UNC13C: variants seen among roughly 807,000 people sequenced by gnomAD.
UNC13C encodes the protein protein unc-13 homolog C.
Under a neutral mutation model 245.4 loss-of-function variants are expected in UNC13C, and 174 were observed. The observed-to-expected ratio is 0.71, with a 90% CI of 0.63 to 0.80. The LOEUF is 0.80. Ranked by LOEUF, UNC13C falls within the 30% of genes least tolerant of loss-of-function variation. The pLI, the probability that UNC13C is intolerant of heterozygous loss-of-function variation, is 0.00. For missense variants in UNC13C, 2,829 were observed against 2,602.9 expected, an observed-to-expected ratio of 1.09 and a Z score of -1.89; for synonymous variants, 992 against 895.1, an observed-to-expected ratio of 1.11 and a Z score of -1.93.
chr15:54,616,360 T>C (rs1900429289), intron 30 of UNC13C, among the ~76,000 whole-genome samples: 1 of 151,376 alleles, frequency 6.6e-6, no homozygotes, highest in Non-Finnish European at 1.5e-5. Flanking sequence ...TCAACAGTGG[T>C]CCCATAAGAT....
chr15:54,192,278 TTTTGTAGTC>T (rs1197993407), intron 4 of UNC13C, among the ~76,000 whole-genome samples: 1 of 152,184 alleles, frequency 6.6e-6, no homozygotes, highest in East Asian at 1.9e-4. Flanking sequence ...TCTTCTTTGT[TTTTGTAGTC>T]TTTGTGACTA....
intron 29 of UNC13C, 68 bp from the exon 30 acceptor site, chr15:54,567,732 T>C (rs1897575828): frequency 1.4e-6 from 2 of 1,380,544 alleles, no homozygotes; most frequent in African/African-American, 1.5e-5. Flanking sequence ...GCTTCTCTAT[T>C]AGAGTAATAA....
chr15:54,082,464 AT>A (rs537077467), intron 2 of UNC13C, among the ~76,000 whole-genome samples: 4 of 151,850 alleles, frequency 2.6e-5, no homozygotes, highest in Non-Finnish European at 5.9e-5. Flanking sequence ...TTGTTCATTA[AT>A]TTTTTTTAAA....
chr15:53,939,816 A>T, the UNC13C span, among the ~76,000 whole-genome samples: 36 of 67,832 alleles, frequency 5.3e-4, no homozygotes, highest in Non-Finnish European at 3.0e-4. Flanking sequence ...AAAGGACGAG[A>T]GAGAGAGAGA....
At chr15:53,916,943 G>C in the UNC13C span, among the ~76,000 whole-genome samples, 1 of 152,020 alleles carries the variant, frequency 6.6e-6, no homozygotes, top group Non-Finnish European at 1.5e-5. Context: ...TTATACTCTG[G>C]GAAACAATGT....
chr15:54,375,549 A>G (rs1437691044), intron 17 of UNC13C, among the ~76,000 whole-genome samples: 1 of 152,258 alleles, frequency 6.6e-6, no homozygotes, highest in Non-Finnish European at 1.5e-5. Flanking sequence ...AGATGTAATT[A>G]AGGTCCTTAG....
At chr15:54,042,942 A>T (rs565107050) in intron 2 of UNC13C, among the ~76,000 whole-genome samples, 1 of 152,204 alleles carries the variant, frequency 6.6e-6, no homozygotes, top group East Asian at 1.9e-4. Context: ...GTACGACAAA[A>T]TGAGTCTATC....
intron 1 of UNC13C, among the ~76,000 whole-genome samples, chr15:54,010,639 G>T (rs1329547183): frequency 1.3e-5 from 2 of 152,174 alleles, no homozygotes; most frequent in Non-Finnish European, 2.9e-5. Context: ...CTAAAATAAC[G>T]TTTCAAGAAG....
chr15:53,933,201 C>G, the UNC13C span, among the ~76,000 whole-genome samples: 1 of 152,142 alleles, frequency 6.6e-6, no homozygotes, highest in Non-Finnish European at 1.5e-5. Flanking sequence ...CTAACCTACA[C>G]TCTATGCTGC....
chr15:54,050,886 T>C, intron 2 of UNC13C: 3 of 555,318 alleles, frequency 5.4e-6, no homozygotes, highest in Non-Finnish European at 1.1e-5. Context: ...ATGACTCCAC[T>C]TCCAGCAAAA....
rs536296898 is a variant in UNC13C, at chr15:54,609,020, T to A, written c.6107-13307T>A. ...ATTTTACTATTTCAACATTAGCTTC[T>A]AATGTTTCTGAAGTCTCTGGTATTA... On this transcript the variant is annotated intron_variant, in intron 30 of 32. Coordinates refer to ENST00000260323, the MANE Select transcript of UNC13C (RefSeq NM_001080534.3). Among the ~76,000 whole-genome samples, 9 of 152,336 alleles carry A rather than the reference T, an allele frequency of 5.9e-5. No homozygotes were observed. In the South Asian group the frequency reaches 1.9e-3, roughly 32 times the overall value.
At chr15:54,546,319 C>T (rs1392909227) in intron 26 of UNC13C, among the ~76,000 whole-genome samples, 2 of 152,074 alleles carry the variant, frequency 1.3e-5, no homozygotes, top group East Asian at 1.9e-4. Context: ...GGGCCTGTCG[C>T]CGGGTGGAGG....
At chr15:54,066,371 C>T (rs538186973) in intron 2 of UNC13C, among the ~76,000 whole-genome samples, 5 of 152,256 alleles carry the variant, frequency 3.3e-5, no homozygotes, top group African/African-American at 1.2e-4. Flanking sequence ...TTTGAAATCC[C>T]TTGTTAGGAA....
chr15:54,531,290 G>A (rs1429268479), intron 25 of UNC13C, among the ~76,000 whole-genome samples: 1 of 152,186 alleles, frequency 6.6e-6, no homozygotes, highest in Non-Finnish European at 1.5e-5. Flanking sequence ...ACTGCTGATG[G>A]AGAAGTGAAG....
intron 17 of UNC13C, among the ~76,000 whole-genome samples, chr15:54,347,749 T>C (rs556018884): frequency 6.6e-6 from 1 of 152,298 alleles, no homozygotes; most frequent in East Asian, 1.9e-4. Flanking sequence ...TATTTCTCTC[T>C]TTATTGACTT....
At chr15:54,001,665 T>C (rs900317765) in intron 1 of UNC13C, among the ~76,000 whole-genome samples, 1 of 152,230 alleles carries the variant, frequency 6.6e-6, no homozygotes, top group Non-Finnish European at 1.5e-5. Flanking sequence ...GGCACTTCTC[T>C]AATTATTTCT....
the UNC13C span, among the ~76,000 whole-genome samples, chr15:53,893,801 G>A: frequency 4.6e-5 from 7 of 152,226 alleles, no homozygotes; most frequent in African/African-American, 1.7e-4. Context: ...CATGGCATGG[G>A]GCCCACAGAG....
chr15:54,441,689 A>C (rs978455627), intron 19 of UNC13C, among the ~76,000 whole-genome samples: 5 of 134,486 alleles, frequency 3.7e-5, no homozygotes, highest in Non-Finnish European at 8.1e-5. Flanking sequence ...TTGTGGCTAC[A>C]TAGGAATTTT....
intron 28 of UNC13C, among the ~76,000 whole-genome samples, chr15:54,553,973 C>T (rs746158278): frequency 2.6e-5 from 4 of 151,852 alleles, no homozygotes; most frequent in Non-Finnish European, 5.9e-5. Context: ...TATTTAAAAA[C>T]TGTGAAATGA....
Sources: allele counts gnomAD v4.1 joint callset (sites outside exome capture counted in the v4.1 genomes callset), GRCh38; gene constraint gnomAD v4.1.1; transcripts MANE v1.5; gene names NCBI Gene and HGNC (gene_info 2026-07-23, HGNC 2026-07-21).